RASSF3: variants seen among roughly 807,000 people sequenced by gnomAD.
The protein encoded by RASSF3 is ras association domain-containing protein 3.
Under a neutral mutation model 19.9 loss-of-function variants are expected in RASSF3, and 19 were observed. The observed-to-expected ratio is 0.96, with a 90% CI of 0.67 to 1.40. The LOEUF is 1.40. RASSF3 is among the 40% of genes most tolerant of loss of function. RASSF3 has a pLI of 0.00. For synonymous variants in RASSF3, 110 were observed against 104.2 expected, an observed-to-expected ratio of 1.06 and a Z score of -0.34; for missense variants, 306 against 289.8, an observed-to-expected ratio of 1.06 and a Z score of -0.41.
chr12:64,593,787 G>A (rs763646202), intron 2 of RASSF3, among the ~76,000 whole-genome samples: 8 of 151,888 alleles, frequency 5.3e-5, no homozygotes, highest in Admixed American at 2.0e-4. Context: ...GCAAGCAGGC[G>A]GATCACCTGA....
intron 1 of RASSF3, among the ~76,000 whole-genome samples, chr12:64,521,733 T>A (rs996445466): frequency 6.6e-6 from 1 of 152,232 alleles, no homozygotes; most frequent in Non-Finnish European, 1.5e-5. Flanking sequence ...TATTCTACAC[T>A]GAAACATTGT....
At chr12:64,612,731 C>T (rs1870413929) in intron 1 of RASSF3, among the ~76,000 whole-genome samples, 1 of 152,086 alleles carries the variant, frequency 6.6e-6, no homozygotes, top group Admixed American at 6.6e-5. Flanking sequence ...CCGCCTTGGC[C>T]TCCCAAAGTG....
At chr12:64,580,784 G>C (rs1302652452) in intron 2 of RASSF3, among the ~76,000 whole-genome samples, 1 of 151,804 alleles carries the variant, frequency 6.6e-6, no homozygotes, top group Non-Finnish European at 1.5e-5. Context: ...TTGTCACATG[G>C]TATTCTCTTG....
intron 1 of RASSF3, among the ~76,000 whole-genome samples, chr12:64,622,138 C>A (rs1308308672): frequency 2.6e-5 from 4 of 151,982 alleles, no homozygotes; most frequent in African/African-American, 9.7e-5. Context: ...GCAATCTCTG[C>A]CTCCCAGATT....
intron 1 of RASSF3, among the ~76,000 whole-genome samples, chr12:64,612,888 T>C (rs1005381372): frequency 1.3e-5 from 2 of 152,224 alleles, no homozygotes; most frequent in Admixed American, 6.6e-5. Context: ...ATATGTATTT[T>C]GAAATATCGT....
At chr12:64,590,491 G>T (rs1869902188) in intron 2 of RASSF3, among the ~76,000 whole-genome samples, 1 of 152,122 alleles carries the variant, frequency 6.6e-6, no homozygotes, top group Non-Finnish European at 1.5e-5. Flanking sequence ...GGAGAGAGAT[G>T]AACACATATA....
chr12:64,577,929 C>A (rs546926836), intron 2 of RASSF3, among the ~76,000 whole-genome samples: 1 of 151,448 alleles, frequency 6.6e-6, no homozygotes, highest in African/African-American at 2.4e-5. Context: ...GATAAAAATA[C>A]CTAAAATTGC....
chr12:64,647,477 C>T (rs1400265119), intron 1 of RASSF3, among the ~76,000 whole-genome samples: 1 of 149,102 alleles, frequency 6.7e-6, no homozygotes, highest in Non-Finnish European at 1.5e-5. Context: ...ATGGCATGAT[C>T]TTGGCTCACT....
At chr12:64,545,637 GCTC>G (rs1454784415), downstream of RASSF3, among the ~76,000 whole-genome samples, 1 of 152,122 alleles carries the variant, frequency 6.6e-6, no homozygotes, top group East Asian at 1.9e-4. Flanking sequence ...ATTTAAGAAA[GCTC>G]CTCTTGGCGG....
intron 1 of RASSF3, among the ~76,000 whole-genome samples, chr12:64,679,631 G>A (rs1873045334): frequency 1.3e-5 from 2 of 152,088 alleles, no homozygotes; most frequent in African/African-American, 4.8e-5. Flanking sequence ...ATCTGAGAAA[G>A]TTCGCTACTG....
intron 1 of RASSF3, chr12:64,654,647 G>T (rs1197460592): frequency 1.6e-5 from 1 of 61,680 alleles, no homozygotes; most frequent in East Asian, 5.5e-4. Flanking sequence ...TCTTTGCGGG[G>T]GGGGGGGGGT....
chr12:64,635,178 T>C (rs992809110), intron 1 of RASSF3, among the ~76,000 whole-genome samples: 2 of 152,032 alleles, frequency 1.3e-5, no homozygotes, highest in African/African-American at 4.8e-5. Context: ...GGTCTCAAGC[T>C]CCTGAGTTCA....
intron 1 of RASSF3, chr12:64,629,961 C>CAAAAAAAAAAAAAAAAAAAAAAAAAAA (rs34700817): frequency 3.4e-5 from 2 of 59,332 alleles, no homozygotes; most frequent in Admixed American, 2.0e-4. Context: ...GACTCCATCT[C>CAAAAAAAAAAAAAAAAAAAAAAAAAAA]AAAAAAAAAA....
intron 1 of RASSF3, among the ~76,000 whole-genome samples, chr12:64,519,809 C>T (rs183820879): frequency 5.9e-5 from 9 of 151,746 alleles, no homozygotes; most frequent in African/African-American, 1.7e-4. Flanking sequence ...TGTTTATAAG[C>T]GCATATATGT....
At chr12:64,580,081 C>T (rs1180190510) in intron 2 of RASSF3, among the ~76,000 whole-genome samples, 1 of 152,080 alleles carries the variant, frequency 6.6e-6, no homozygotes, top group Non-Finnish European at 1.5e-5. Flanking sequence ...TCCTGAAGTG[C>T]TGGGATTATA....
At position 64,518,658 on chromosome 12, in the gene RASSF3, G is replaced by A. The variant is rs538425309; in HGVS notation, c.169+11329G>A. ...AAGGATCTTGCGGCCAGATGAGTCTGAGAAGCATTGTATACTTGATTTCCT... is the reference window on the plus strand; with the variant it reads ...AAGGATCTTGCGGCCAGATGAGTCTAAGAAGCATTGTATACTTGATTTCCT... On this transcript the variant is annotated intron_variant, in intron 1 of 5. Transcript: ENST00000637125. 5.3e-5 allele frequency among the ~76,000 whole-genome samples: 8 copies of A among 152,320 alleles called. No individual in the cohort carries two copies. The East Asian group carries it at 1.5e-3, about 29-fold the overall frequency.
At chr12:64,605,473 C>T (rs140137856) in intron 2 of RASSF3, among the ~76,000 whole-genome samples, 2 of 152,160 alleles carry the variant, frequency 1.3e-5, no homozygotes, top group African/African-American at 4.8e-5. Context: ...TCTACTGATT[C>T]TACCAATGTC....
chr12:64,645,294 ACT>A (rs1871689712), intron 1 of RASSF3, among the ~76,000 whole-genome samples: 1 of 152,176 alleles, frequency 6.6e-6, no homozygotes, highest in Admixed American at 6.6e-5. Context: ...CATCACAGTA[ACT>A]CTATGAGGGA....
chr12:64,572,586 G>A (rs866285702), intron 2 of RASSF3, among the ~76,000 whole-genome samples: 5 of 152,138 alleles, frequency 3.3e-5, no homozygotes, highest in Non-Finnish European at 7.3e-5. Context: ...AGCCACATCT[G>A]TTCTGCACAT....
Sources: gnomAD v4.1 joint callset for allele counts (sites outside exome capture counted in the v4.1 genomes callset) on GRCh38, gnomAD v4.1.1 for gene constraint, MANE v1.5 for transcripts, NCBI Gene and HGNC (gene_info 2026-07-23, HGNC 2026-07-21) for gene names.